The following TMEM87A variants were observed in gnomAD, a reference collection of about 807,000 sequenced individuals.
TMEM87A encodes transmembrane protein 87A, also known as Golgi-pH regulating cation channel.
A neutral mutation model predicts 90.0 loss-of-function variants in TMEM87A; 50 were observed. The ratio of observed to expected loss-of-function variants is 0.56; its 90% CI spans 0.44 to 0.70. The LOEUF (loss-of-function observed/expected upper bound fraction) is 0.70. Among genes scored for constraint, TMEM87A ranks in the 30% least tolerant of loss-of-function variants. The pLI is 0.00. For missense variants in TMEM87A, 577 were observed against 660.5 expected (o/e 0.87, Z 1.39); for synonymous variants, 226 against 226.7 (o/e 1.00, Z 0.03).
intron 19 of TMEM87A, among the ~76,000 whole-genome samples, chr15:42,215,352 T>A (rs532532189): frequency 6.6e-6 from 1 of 152,052 alleles, no homozygotes; most frequent in African/African-American, 2.4e-5. Context: ...ATGCAAAAAA[T>A]TTGCCGGGCG....
intron 6 of TMEM87A, among the ~76,000 whole-genome samples, chr15:42,249,346 C>A (rs1185314109): frequency 1.3e-5 from 2 of 152,126 alleles, no homozygotes; most frequent in African/African-American, 4.8e-5. Context: ...TTTGCTCTTG[C>A]TTCTCTAGCT....
intron 4 of TMEM87A, among the ~76,000 whole-genome samples, chr15:42,262,469 C>G (rs2051314555): frequency 7.4e-6 from 1 of 135,352 alleles, no homozygotes; most frequent in African/African-American, 2.8e-5. Flanking sequence ...GACCAAGTTT[C>G]ACTCTTGTCG....
intron 7 of TMEM87A, among the ~76,000 whole-genome samples, chr15:42,243,800 A>G (rs2050919042): frequency 6.6e-6 from 1 of 152,114 alleles, no homozygotes. Context: ...GATTACAGGC[A>G]TGAGCCACCG....
chr15:42,250,032 T>A (rs2051054525), intron 6 of TMEM87A, among the ~76,000 whole-genome samples: 1 of 152,222 alleles, frequency 6.6e-6, no homozygotes, highest in African/African-American at 2.4e-5. Flanking sequence ...AATGGCCTTG[T>A]CTCTTTTGAT....
intron 7 of TMEM87A, among the ~76,000 whole-genome samples, chr15:42,242,066 CAA>C (rs570009857): frequency 3.5e-5 from 2 of 57,844 alleles, no homozygotes. Context: ...GACTCTATCT[CAA>C]AAAAAAAAAG....
At chr15:42,273,088 G>T in intron 1 of TMEM87A, 167 bp downstream of exon 1, 1 of 800,464 alleles carries the variant, frequency 1.2e-6, no homozygotes, top group Non-Finnish European at 2.0e-6. Context: ...GAAGTGCGCG[G>T]CTTTCCACTC....
chr15:42,265,432 T>G (rs1482509538), intron 3 of TMEM87A, among the ~76,000 whole-genome samples: 1 of 152,214 alleles, frequency 6.6e-6, no homozygotes, highest in Non-Finnish European at 1.5e-5. Context: ...ATTGTGGTTT[T>G]GATTTGCATT....
At chr15:42,252,950 T>C (rs2051112456) in intron 6 of TMEM87A, among the ~76,000 whole-genome samples, 1 of 152,246 alleles carries the variant, frequency 6.6e-6, no homozygotes, top group South Asian at 2.1e-4. Context: ...CTGGTAATAA[T>C]AATATGGGTT....
Position 42,218,319 on chromosome 15 carries a change from T to C in TMEM87A, c.1595+4A>G. On this transcript the variant is annotated splice_donor_region_variant and intron_variant, in intron 18 of 19. Coordinates refer to ENST00000389834, the MANE Select transcript of TMEM87A (RefSeq NM_015497.5). ...ATTCTTGTGGTAATCATTCAAAAAC[T>C]TACACATCTGTCACAGAAGAAGGAA... 6.2e-7 allele frequency: 1 copy of C among 1,613,596 alleles called. No individual in the cohort carries two copies. The highest frequency in any genetic ancestry group is 8.5e-7 in the Non-Finnish European group (1 of 1,179,692).
chr15:42,219,754 A>G, intron 16 of TMEM87A, 112 bp from the exon 17 acceptor site: 1 of 725,464 alleles, frequency 1.4e-6, no homozygotes, highest in South Asian at 2.0e-5. Context: ...AAAGTTACTT[A>G]TCATAGTTTT....
chr15:42,227,986 T>C (rs1164695978), intron 13 of TMEM87A, among the ~76,000 whole-genome samples: 1 of 152,224 alleles, frequency 6.6e-6, no homozygotes, highest in South Asian at 2.1e-4. Flanking sequence ...CCTTTCTCTA[T>C]TTAAAGAATA....
chr15:42,255,187 G>A (rs1244414841), intron 6 of TMEM87A, among the ~76,000 whole-genome samples: 1 of 151,918 alleles, frequency 6.6e-6, no homozygotes, highest in East Asian at 1.9e-4. Context: ...AGGCTGGAAT[G>A]CAATGGCACG....
chr15:42,211,558 C>T lies in TMEM87A; in HGVS notation c.*150G>A. On this transcript the variant is annotated 3_prime_UTR_variant, in exon 20 of 20. Transcript: ENST00000389834. Reference sequence around the variant, plus strand: ...CAGTAAGATGTTCTCTTTGTTCTGACACCTCTCGCCAACTCCAATGCCCAA... The same window carrying T: ...CAGTAAGATGTTCTCTTTGTTCTGATACCTCTCGCCAACTCCAATGCCCAA... 2.8e-6 allele frequency: 2 copies of T among 704,484 alleles called. No homozygotes were observed. Among genetic ancestry groups the T allele is most frequent in the Non-Finnish European group, 2.4e-6 (1 of 423,118 alleles). 43.6% of individuals were successfully genotyped at this position (704,484 alleles called of 1,614,324 possible). A position where few individuals can be genotyped will look rare whatever the true frequency, so the allele number is the denominator to read the frequency against.
intron 6 of TMEM87A, among the ~76,000 whole-genome samples, chr15:42,247,900 G>T (rs2051008638): frequency 6.6e-6 from 1 of 152,096 alleles, no homozygotes; most frequent in Non-Finnish European, 1.5e-5. Flanking sequence ...TCACAATATT[G>T]ATTCTTCCTA....
In TMEM87A at chr15:42,266,442, G is replaced by C. The variant is rs576991872; in HGVS notation, c.291+1505C>G. ...GAGGCTGGACAATCACTTGAACCCA[G>C]GAGGCAGAGGTTGTGGTGAGCTGAG... On this transcript the variant is annotated intron_variant, in intron 3 of 19. Coordinates refer to ENST00000389834, the MANE Select transcript of TMEM87A (RefSeq NM_015497.5). Among the ~76,000 whole-genome samples the C allele has an allele frequency of 4.6e-5, 7 of 152,114 alleles. No individual in the cohort carries two copies. In the East Asian group the frequency reaches 9.7e-4, roughly 21 times the overall value.
At chr15:42,235,317 C>T (rs958614637) in intron 10 of TMEM87A, among the ~76,000 whole-genome samples, 2 of 152,142 alleles carry the variant, frequency 1.3e-5, no homozygotes. Context: ...AGGATTATGG[C>T]GTAAGCCACC....
At chr15:42,260,865 T>C (rs1237923835) in intron 6 of TMEM87A, 93 bp downstream of exon 6, 20 of 1,372,916 alleles carry the variant, frequency 1.5e-5, no homozygotes, top group Non-Finnish European at 2.0e-5. Context: ...TCTTTTCAAA[T>C]ATTAGCATAG....
chr15:42,231,269 A>G lies in TMEM87A; in HGVS notation c.1063-9T>C. 1 of 1,555,174 alleles carries G rather than the reference A, an allele frequency of 6.4e-7. No individual in the cohort carries two copies. Among genetic ancestry groups the G allele is most frequent in the Non-Finnish European group, 8.6e-7 (1 of 1,157,684 alleles). ...GCAAGATCAGTCTGGGCCTGCAGAC[A>G]AAGAAAAAGAAGTGGTGAAAAACAG... On this transcript the variant is annotated splice_polypyrimidine_tract_variant and intron_variant, in intron 11 of 19. Coordinates refer to ENST00000389834, the MANE Select transcript of TMEM87A (RefSeq NM_015497.5).
At chr15:42,225,964 A>T (rs1284652870) in intron 15 of TMEM87A, among the ~76,000 whole-genome samples, 1 of 152,024 alleles carries the variant, frequency 6.6e-6, no homozygotes, top group African/African-American at 2.4e-5. Flanking sequence ...AAGGAAGTCT[A>T]TTGGTGCCAT....
Sources: allele counts gnomAD v4.1 joint callset (sites outside exome capture counted in the v4.1 genomes callset), GRCh38; gene constraint gnomAD v4.1.1; transcripts MANE v1.5; gene names NCBI Gene and HGNC (gene_info 2026-07-23, HGNC 2026-07-21).